HCRTR2: variants seen among roughly 807,000 people sequenced by gnomAD.
HCRTR2 encodes hypocretin receptor 2.
A neutral mutation model predicts 49.0 loss-of-function variants in HCRTR2; 22 were observed. The ratio of observed to expected loss-of-function variants is 0.45; its 90% CI spans 0.32 to 0.64. The LOEUF (loss-of-function observed/expected upper bound fraction) is 0.64. Among genes scored for constraint, HCRTR2 ranks in the 30% least tolerant of loss-of-function variants. HCRTR2 has a pLI of 0.04. For missense variants in HCRTR2, 491 were observed against 559.4 expected (o/e 0.88, Z 1.23); for synonymous variants, 236 against 205.3 (o/e 1.15, Z -1.28).
chr6:55,190,511 G>C (rs941205388), intron 1 of HCRTR2, among the ~76,000 whole-genome samples: 4 of 152,090 alleles, frequency 2.6e-5, no homozygotes, highest in African/African-American at 9.7e-5. Flanking sequence ...ATGAAGGTAA[G>C]AGTTTAGATA....
downstream of HCRTR2, among the ~76,000 whole-genome samples, chr6:55,283,978 G>A (rs1341170105): frequency 6.6e-6 from 1 of 152,098 alleles, no homozygotes; most frequent in Non-Finnish European, 1.5e-5. Context: ...CTATATCAGT[G>A]AAAGCAAGGT....
chr6:55,256,395 C>A (rs1766653618), intron 3 of HCRTR2, among the ~76,000 whole-genome samples: 2 of 151,950 alleles, frequency 1.3e-5, no homozygotes, highest in Admixed American at 6.6e-5. Context: ...TTATTTCCTA[C>A]CTTGGTGTTT....
At chr6:55,175,018 G>C (rs1157652650) in intron 1 of HCRTR2, among the ~76,000 whole-genome samples, 1 of 152,178 alleles carries the variant, frequency 6.6e-6, no homozygotes, top group Non-Finnish European at 1.5e-5. Flanking sequence ...GTTATTCCCT[G>C]TTTTGCAGGA....
At chr6:55,237,864 C>A (rs902352342) in intron 1 of HCRTR2, among the ~76,000 whole-genome samples, 1 of 152,168 alleles carries the variant, frequency 6.6e-6, no homozygotes, top group African/African-American at 2.4e-5. Flanking sequence ...TTGGCACTTT[C>A]TGGATATTCT....
intron 1 of HCRTR2, among the ~76,000 whole-genome samples, chr6:55,114,325 A>T (rs1267529720): frequency 1.3e-5 from 2 of 151,762 alleles, no homozygotes; most frequent in African/African-American, 2.4e-5. Context: ...AACTTGTTCT[A>T]CACACAAAAC....
intron 1 of HCRTR2, among the ~76,000 whole-genome samples, chr6:55,153,860 T>A (rs1764695310): frequency 6.6e-6 from 1 of 151,784 alleles, no homozygotes; most frequent in Non-Finnish European, 1.5e-5. Context: ...TACAATGTAC[T>A]TTTTTGAAAA....
chr6:55,192,413 G>GCACACACACACA (rs1554171107), intron 1 of HCRTR2, among the ~76,000 whole-genome samples: 2 of 128,450 alleles, frequency 1.6e-5, no homozygotes, highest in Non-Finnish European at 3.4e-5. Flanking sequence ...GCGCGCGCGC[G>GCACACACACACA]CACACACACA....
chr6:55,172,032 T>G (rs150832080), upstream of HCRTR2, among the ~76,000 whole-genome samples: 4 of 152,290 alleles, frequency 2.6e-5, no homozygotes, highest in African/African-American at 9.6e-5. Context: ...GAGGAAGACA[T>G]CGTGCCAGAG....
intron 1 of HCRTR2, among the ~76,000 whole-genome samples, chr6:55,135,292 T>A (rs1764418401): frequency 6.6e-6 from 1 of 152,090 alleles, no homozygotes; most frequent in South Asian, 2.1e-4. Context: ...AAGATAATTT[T>A]GTAGAGAGAT....
chr6:55,120,344 G>A (rs1338002487), intron 1 of HCRTR2, among the ~76,000 whole-genome samples: 1 of 151,930 alleles, frequency 6.6e-6, no homozygotes, highest in Non-Finnish European at 1.5e-5. Context: ...AATTACTTTG[G>A]GCAGTATGGC....
intron 1 of HCRTR2, among the ~76,000 whole-genome samples, chr6:55,221,905 T>C (rs1765905856): frequency 6.6e-6 from 1 of 151,690 alleles, no homozygotes; most frequent in Non-Finnish European, 1.5e-5. Flanking sequence ...AATAATTTCT[T>C]GTATACGACA....
intron 1 of HCRTR2, among the ~76,000 whole-genome samples, chr6:55,221,121 C>G (rs923446560): frequency 6.6e-6 from 1 of 152,064 alleles, no homozygotes; most frequent in Admixed American, 6.5e-5. Flanking sequence ...AAAATGTGCA[C>G]ACTGCTGAAA....
chr6:55,124,280 CT>C (rs1764243512), intron 1 of HCRTR2, among the ~76,000 whole-genome samples: 2 of 152,180 alleles, frequency 1.3e-5, no homozygotes, highest in Admixed American at 1.3e-4. Flanking sequence ...CTACACACTG[CT>C]TTAAATGTGT....
intron 1 of HCRTR2, among the ~76,000 whole-genome samples, chr6:55,164,191 T>C (rs1170174645): frequency 1.3e-5 from 2 of 152,162 alleles, no homozygotes; most frequent in African/African-American, 4.8e-5. Flanking sequence ...GTAAATTAGT[T>C]CAACCATTGT....
Position 55,200,189 on chromosome 6 carries a change from T to G in HCRTR2, c.223+25379T>G, listed in dbSNP as rs567194054. Among the ~76,000 whole-genome samples the G allele has an allele frequency of 2.6e-5, 4 of 151,824 alleles. No homozygotes were observed. The South Asian group carries it at 6.3e-4, about 24-fold the overall frequency. ...AATTTATCTTTCCTTAAAATGTCGT[T>G]TTTTTTTCAATTTTACTATATATGT... On this transcript the variant is annotated intron_variant, in intron 1 of 6. Coordinates refer to ENST00000370862, the MANE Select transcript of HCRTR2 (RefSeq NM_001384272.1).
At chr6:55,262,316 T>A (rs1766773500) in intron 3 of HCRTR2, among the ~76,000 whole-genome samples, 1 of 142,248 alleles carries the variant, frequency 7.0e-6, no homozygotes, top group Non-Finnish European at 1.5e-5. Context: ...ACATAATATA[T>A]AAATATATAT....
chr6:55,276,180 C>T (rs1767073549), intron 4 of HCRTR2, among the ~76,000 whole-genome samples: 1 of 152,164 alleles, frequency 6.6e-6, no homozygotes, highest in South Asian at 2.1e-4. Flanking sequence ...AGATTGTCTA[C>T]ATGACAAGAC....
At chr6:55,158,837 T>C (rs750565035) in intron 1 of HCRTR2, among the ~76,000 whole-genome samples, 1 of 152,200 alleles carries the variant, frequency 6.6e-6, no homozygotes, top group Non-Finnish European at 1.5e-5. Context: ...CCCATCTCCC[T>C]GGGACAGGGC....
intron 1 of HCRTR2, among the ~76,000 whole-genome samples, chr6:55,224,569 G>A (rs1024629597): frequency 9.2e-5 from 14 of 151,864 alleles, no homozygotes; most frequent in Non-Finnish European, 1.6e-4. Context: ...CTTGCAGTGA[G>A]CCGAGGTTGT....
Sources: gnomAD v4.1 joint callset for allele counts (sites outside exome capture counted in the v4.1 genomes callset) on GRCh38, gnomAD v4.1.1 for gene constraint, MANE v1.5 for transcripts, NCBI Gene and HGNC (gene_info 2026-07-23, HGNC 2026-07-21) for gene names.